The following ABL2 variants were observed in gnomAD, a reference collection of about 807,000 sequenced individuals.
ABL2 encodes ABL proto-oncogene 2, non-receptor tyrosine kinase.
Under a neutral mutation model 107.7 loss-of-function variants are expected in ABL2, and 49 were observed. The ratio of observed to expected loss-of-function variants is 0.45; its 90% confidence interval spans 0.36 to 0.58. ABL2 has a LOEUF of 0.58. Among genes scored for constraint, ABL2 ranks in the 20% least tolerant of loss-of-function variants. The pLI, the probability that ABL2 is intolerant of heterozygous loss-of-function variation, is 0.00. For missense variants in ABL2, 1,245 were observed against 1,457.0 expected (o/e 0.85, Z 2.37); for synonymous variants, 549 against 548.6 (o/e 1.00, Z -0.01).
chr1:179,198,282 G>A (rs989565968), intron 1 of ABL2, among the ~76,000 whole-genome samples: 2 of 151,856 alleles, frequency 1.3e-5, no homozygotes, highest in African/African-American at 4.8e-5. Flanking sequence ...TAAAATAAAT[G>A]AGACAAAATG....
At chr1:179,162,282 G>A (rs919182932) in intron 1 of ABL2, among the ~76,000 whole-genome samples, 2 of 152,074 alleles carry the variant, frequency 1.3e-5, no homozygotes, top group African/African-American at 4.8e-5. Context: ...ATATATTCAC[G>A]TTCCTAGAAA....
intron 3 of ABL2, among the ~76,000 whole-genome samples, chr1:179,127,924 A>C (rs1476410222): frequency 6.6e-6 from 1 of 151,552 alleles, no homozygotes; most frequent in Admixed American, 6.6e-5. Flanking sequence ...AATCCCAGCT[A>C]CTCGGGAGGC....
intron 9 of ABL2, 65 bp from the exon 10 acceptor site, chr1:179,112,463 AATAAT>A (rs771841108): frequency 1.5e-6 from 2 of 1,299,898 alleles, no homozygotes; most frequent in Non-Finnish European, 2.2e-6. Context: ...TGGTGTATCT[AATAAT>A]GAGTTCTATG....
At chr1:179,175,844 C>A (rs796338247) in intron 1 of ABL2, among the ~76,000 whole-genome samples, 11 of 119,246 alleles carry the variant, frequency 9.2e-5, no homozygotes, top group African/African-American at 2.8e-4. Context: ...TAGACACATT[C>A]TTCTTTTTTT....
intron 1 of ABL2, among the ~76,000 whole-genome samples, chr1:179,140,502 C>G (rs1657475100): frequency 6.6e-6 from 1 of 152,184 alleles, no homozygotes; most frequent in South Asian, 2.1e-4. Flanking sequence ...ATTCATGTAT[C>G]TAAGTCTCCT....
At chr1:179,119,057 T>C (rs1245612571) in intron 6 of ABL2, among the ~76,000 whole-genome samples, 1 of 150,852 alleles carries the variant, frequency 6.6e-6, no homozygotes, top group Non-Finnish European at 1.5e-5. Context: ...AAAACCAACA[T>C]GTCTAGAGTT....
intron 1 of ABL2, among the ~76,000 whole-genome samples, chr1:179,153,942 T>C (rs909977932): frequency 1.8e-4 from 28 of 152,234 alleles, no homozygotes; most frequent in African/African-American, 6.3e-4. Context: ...TGTACATGTG[T>C]ATGTTTTGTT....
intron 8 of ABL2, among the ~76,000 whole-genome samples, chr1:179,115,729 T>C (rs1182444268): frequency 6.6e-6 from 1 of 152,108 alleles, no homozygotes; most frequent in African/African-American, 2.4e-5. Context: ...AACCACTGTA[T>C]CTAAGAAGCA....
In ABL2 at chr1:179,114,913, C is replaced by T; in HGVS notation, c.1526G>A (p.Gly509Glu). 1 of 1,611,162 alleles carries T rather than the reference C, an allele frequency of 6.2e-7. No homozygotes were observed. The highest frequency in any genetic ancestry group is 8.5e-7 in the Non-Finnish European group (1 of 1,178,942). The change falls in exon 9 of 12, where the codon GGA becomes GAA. Residue 509 changes from glycine (G) to glutamate (E), a missense_variant. Gly to Glu is a moderately conservative substitution (Grantham distance 98). Coordinates refer to ENST00000502732, the MANE Select transcript of ABL2 (RefSeq NM_007314.4). Reference sequence around the variant, plus strand: ...AAGTTCATAAACCTTAGGGGGGCATCCCTCAGGCTGTTCCATTCGATATCC... The same window carrying T: ...AAGTTCATAAACCTTAGGGGGGCATTCCTCAGGCTGTTCCATTCGATATCC... ...EKGYRMEQPE[G>E]CPPKVYELMR...
chr1:179,166,504 C>T (rs1376808768), intron 1 of ABL2, among the ~76,000 whole-genome samples: 5 of 151,656 alleles, frequency 3.3e-5, no homozygotes, highest in African/African-American at 4.8e-5. Context: ...CCTGGCAGGG[C>T]GCGGTGGCTC....
At chr1:179,140,488 T>C (rs1479615985) in intron 1 of ABL2, among the ~76,000 whole-genome samples, 1 of 152,242 alleles carries the variant, frequency 6.6e-6, no homozygotes, top group Non-Finnish European at 1.5e-5. Context: ...TTATTTATTA[T>C]TATATTCATG....
rs1034574859 is a variant in ABL2, at chr1:179,229,431, C to G, written c.-34G>C. Reference sequence around the variant, plus strand: ...TCGCGTACTCCCGCGCCCCCGCCGACCCCTGGTCACATTCCTCCTCGGCTC... The same window carrying G: ...TCGCGTACTCCCGCGCCCCCGCCGAGCCCTGGTCACATTCCTCCTCGGCTC... On this transcript the variant is annotated 5_prime_UTR_variant, in exon 1 of 12. Coordinates refer to ENST00000502732, the MANE Select transcript of ABL2 (RefSeq NM_007314.4). 16 of 1,478,008 alleles carry G rather than the reference C, an allele frequency of 1.1e-5. No homozygotes were observed. The highest frequency in any genetic ancestry group is 1.3e-5 in the Non-Finnish European group (15 of 1,125,792). The allele number at this position is 1,478,008 out of a possible 1,614,324, so 91.6% of individuals were successfully genotyped here. A position where few individuals can be genotyped will look rare whatever the true frequency, so the allele number is the denominator to read the frequency against.
intron 1 of ABL2, among the ~76,000 whole-genome samples, chr1:179,169,836 G>C (rs1481956938): frequency 6.6e-6 from 1 of 151,946 alleles, no homozygotes; most frequent in Non-Finnish European, 1.5e-5. Context: ...TTTAAGACCA[G>C]CCTGAACAAC....
chr1:179,202,949 T>C (rs551602926), intron 1 of ABL2, among the ~76,000 whole-genome samples: 18 of 152,214 alleles, frequency 1.2e-4, no homozygotes, highest in Admixed American at 3.9e-4. Flanking sequence ...GAGTGAAAAA[T>C]GACAACAAAA....
chr1:179,101,693 C>G lies in ABL2; in HGVS notation c.*6025G>C. The stretch of plus-strand genomic sequence containing the variant: ...GCCAAAAGGTATCATCTTGTACATA[C>G]TCAAGATAGAATACATACCTCAGAG... On this transcript the variant is annotated 3_prime_UTR_variant, in exon 12 of 12. Transcript: ENST00000502732. The G allele has an allele frequency of 5.5e-6, 1 of 181,532 alleles. No homozygotes were observed. Among genetic ancestry groups the G allele is most frequent in the Non-Finnish European group, 1.2e-5 (1 of 85,020 alleles). 11.2% of individuals were successfully genotyped at this position (181,532 alleles called of 1,614,324 possible). A position where few individuals can be genotyped will look rare whatever the true frequency, so the allele number is the denominator to read the frequency against.
chr1:179,103,361 A>T lies in ABL2; in HGVS notation c.*4357T>A, dbSNP rs1286252198. ...CCATCCACATTGAATCAACTGTCTT[A>T]TCTTTTAAACAGACAATACTACAAC... On this transcript the variant is annotated 3_prime_UTR_variant, in exon 12 of 12. Coordinates refer to ENST00000502732, the MANE Select transcript of ABL2 (RefSeq NM_007314.4). The T allele has an allele frequency of 4.9e-6, 1 of 205,362 alleles. No individual in the cohort carries two copies. Among genetic ancestry groups the T allele is most frequent in the Non-Finnish European group, 9.9e-6 (1 of 100,600 alleles). The allele number at this position is 205,362 out of a possible 1,614,324, so 12.7% of individuals were successfully genotyped here.
chr1:179,229,107 G>A, intron 1 of ABL2, 134 bp downstream of exon 1: 1 of 1,151,682 alleles, frequency 8.7e-7, no homozygotes, highest in Non-Finnish European at 1.2e-6. Flanking sequence ...GGACCAGATG[G>A]CAGCGGATTC....
intron 1 of ABL2, among the ~76,000 whole-genome samples, chr1:179,228,107 G>A (rs1016702040): frequency 2.7e-5 from 4 of 146,392 alleles, no homozygotes; most frequent in South Asian, 2.2e-4. Flanking sequence ...GCTCACACCC[G>A]TAATCCCAGC....
At chr1:179,136,439 C>T (rs1420582201) in intron 1 of ABL2, among the ~76,000 whole-genome samples, 2 of 152,186 alleles carry the variant, frequency 1.3e-5, no homozygotes, top group Non-Finnish European at 2.9e-5. Flanking sequence ...GAAACATGTG[C>T]TGCATCCACT....
Sources: gnomAD v4.1 joint callset for allele counts (sites outside exome capture counted in the v4.1 genomes callset) on GRCh38, gnomAD v4.1.1 for gene constraint, MANE v1.5 for transcripts, NCBI Gene and HGNC (gene_info 2026-07-23, HGNC 2026-07-21) for gene names.